Variants in CDH13 observed in about 807,000 individuals in gnomAD.
CDH13 encodes the protein cadherin 13, also known as cadherin-13.
A neutral mutation model predicts 63.8 loss-of-function variants in CDH13; 24 were observed. That is an observed-to-expected ratio of 0.38 (90% CI 0.27 to 0.53). CDH13 has a LOEUF of 0.53. CDH13 is among the 20% of genes least tolerant of loss of function. CDH13 has a pLI of 0.85. For synonymous variants in CDH13, 503 were observed against 355.3 expected (o/e 1.42, Z -4.67); for missense variants, 1,049 against 903.1 (o/e 1.16, Z -2.07).
intron 8 of CDH13, among the ~76,000 whole-genome samples, chr16:83,616,342 ACT>A (rs1157566634): frequency 6.6e-6 from 1 of 152,058 alleles, no homozygotes; most frequent in Admixed American, 6.6e-5. Context: ...TGCATTAATC[ACT>A]CTTTCATAAT....
chr16:82,891,072 G>A (rs1292805533), intron 2 of CDH13, among the ~76,000 whole-genome samples: 2 of 147,802 alleles, frequency 1.4e-5, no homozygotes, highest in East Asian at 2.0e-4. Context: ...GTTGTTGGTC[G>A]TGATGGTGTT....
intron 3 of CDH13, among the ~76,000 whole-genome samples, chr16:83,094,712 A>C (rs1364880226): frequency 6.6e-6 from 1 of 152,234 alleles, no homozygotes; most frequent in African/African-American, 2.4e-5. Context: ...TTTTCATTGA[A>C]GTAGCATTTC....
intron 13 of CDH13, among the ~76,000 whole-genome samples, chr16:83,794,683 C>T (rs563903957): frequency 3.9e-5 from 6 of 152,076 alleles, no homozygotes; most frequent in Non-Finnish European, 8.8e-5. Flanking sequence ...AATCACCAAT[C>T]TCTAAGATAC....
intron 5 of CDH13, among the ~76,000 whole-genome samples, chr16:83,281,460 A>G (rs1324079045): frequency 6.6e-6 from 1 of 152,210 alleles, no homozygotes; most frequent in African/African-American, 2.4e-5. Flanking sequence ...CACATCAGCA[A>G]TAAGGCAGTT....
chr16:83,727,386 A>G (rs762278986), intron 10 of CDH13, among the ~76,000 whole-genome samples: 13 of 152,028 alleles, frequency 8.6e-5, no homozygotes, highest in Non-Finnish European at 1.9e-4. Context: ...TCTCAACTTT[A>G]GAACAGTTTT....
intron 7 of CDH13, among the ~76,000 whole-genome samples, chr16:83,581,855 T>C (rs1259831994): frequency 6.6e-6 from 1 of 151,920 alleles, no homozygotes; most frequent in East Asian, 1.9e-4. Context: ...GAAAACTGAG[T>C]CTCCACCCTA....
intron 1 of CDH13, among the ~76,000 whole-genome samples, chr16:82,845,803 C>A (rs144041660): frequency 0.013 from 1,937 of 152,304 alleles, 10 homozygotes; most frequent in Non-Finnish European, 0.019. Context: ...ACCACCAACC[C>A]TGAGCAGGCA....
rs766645674 is a variant in CDH13, at chr16:83,670,765, C to T, written c.1102-25C>T. 1.9e-6 allele frequency: 3 copies of T among 1,610,804 alleles called. No individual in the cohort carries two copies. In the East Asian group the frequency reaches 6.7e-5, roughly 36 times the overall value. ...TGACTATGTGTTTTCAAAATAGTGA[C>T]CATTACCATCTGCTTTGTTTGCAGT... On this transcript the variant is annotated intron_variant, in intron 8 of 13. Coordinates refer to ENST00000567109, the MANE Select transcript of CDH13 (RefSeq NM_001257.5).
At chr16:83,099,305 G>A (rs2034358526) in intron 3 of CDH13, among the ~76,000 whole-genome samples, 1 of 151,954 alleles carries the variant, frequency 6.6e-6, no homozygotes, top group Non-Finnish European at 1.5e-5. Flanking sequence ...CTATGATGTA[G>A]GTAGTATGAT....
At chr16:83,421,676 C>T (rs1272888712) in intron 6 of CDH13, among the ~76,000 whole-genome samples, 1 of 152,152 alleles carries the variant, frequency 6.6e-6, no homozygotes, top group Non-Finnish European at 1.5e-5. Flanking sequence ...GCCACCCCTA[C>T]TGTTGAGGAG....
chr16:83,220,921 C>T (rs1444323748), intron 5 of CDH13, among the ~76,000 whole-genome samples: 1 of 152,230 alleles, frequency 6.6e-6, no homozygotes, highest in Non-Finnish European at 1.5e-5. Flanking sequence ...TTGAACACTG[C>T]ATGGCAGATA....
intron 6 of CDH13, among the ~76,000 whole-genome samples, chr16:83,483,453 C>G (rs920164483): frequency 1.5e-5 from 2 of 132,606 alleles, no homozygotes; most frequent in African/African-American, 2.8e-5. Flanking sequence ...AAAGACTCAT[C>G]AACCTGAAAG....
rs59677448 is a variant in CDH13 at position 82,896,276 on chromosome 16, A to ATTTTTTTTTTTTTTTTTTTTTT, written c.157+37815_157+37836dup. Among the ~76,000 whole-genome samples, 35 of 87,858 alleles carry ATTTTTTTTTTTTTTTTTTTTTT rather than the reference A, an allele frequency of 4.0e-4. 4 individuals are homozygous for ATTTTTTTTTTTTTTTTTTTTTT. Among genetic ancestry groups the ATTTTTTTTTTTTTTTTTTTTTT allele is most frequent in the East Asian group, 2.8e-3 (4 of 1,432 alleles). 57.6% of individuals were successfully genotyped at this position (87,858 alleles called of 152,430 possible). A position where few individuals can be genotyped will look rare whatever the true frequency, so the allele number is the denominator to read the frequency against. Reference sequence around the variant, plus strand: ...GAGTCTTCTGAGAACTAGGATTAGGATTTTTTTTTTTTTTTTTTTTTTTTT... The same window carrying ATTTTTTTTTTTTTTTTTTTTTT: ...GAGTCTTCTGAGAACTAGGATTAGGATTTTTTTTTTTTTTTTTTTTTTTTTTTTTTTTTTTTTTTTTTTTTTT... On this transcript the variant is annotated intron_variant, in intron 2 of 13. Coordinates refer to ENST00000567109, the MANE Select transcript of CDH13 (RefSeq NM_001257.5).
At chr16:82,637,492 GCGATCTCGGCT>G (rs1908809949) in intron 1 of CDH13, 1 of 146,594 alleles carries the variant, frequency 6.8e-6, no homozygotes, top group African/African-American at 2.5e-5. Flanking sequence ...GGGCAGTGGC[GCGATCTCGGCT>G]CACTGCAAGC....
chr16:82,649,945 C>G (rs150354923), intron 1 of CDH13, among the ~76,000 whole-genome samples: 1 of 152,162 alleles, frequency 6.6e-6, no homozygotes, highest in Admixed American at 6.5e-5. Context: ...AGACAGTGCC[C>G]GGTGTGCTGT....
intron 5 of CDH13, among the ~76,000 whole-genome samples, chr16:83,340,977 A>G (rs980491568): frequency 3.3e-5 from 5 of 152,132 alleles, no homozygotes; most frequent in Admixed American, 1.3e-4. Context: ...GAAGTAGGCA[A>G]TGAGGGCCTG....
At chr16:83,515,671 C>T (rs1489493101) in intron 7 of CDH13, among the ~76,000 whole-genome samples, 1 of 152,126 alleles carries the variant, frequency 6.6e-6, no homozygotes, top group Non-Finnish European at 1.5e-5. Flanking sequence ...GAGATGTTAC[C>T]AAAATATGAG....
chr16:83,568,111 C>T (rs1904302562), intron 7 of CDH13, among the ~76,000 whole-genome samples: 2 of 152,102 alleles, frequency 1.3e-5, no homozygotes, highest in African/African-American at 4.8e-5. Context: ...CTCTTCTCCT[C>T]CCAAGCTCAT....
At chr16:83,723,067 G>A (rs934362884) in intron 10 of CDH13, among the ~76,000 whole-genome samples, 2 of 152,228 alleles carry the variant, frequency 1.3e-5, no homozygotes, top group Non-Finnish European at 2.9e-5. Context: ...AATATGGAAT[G>A]AAGGTGGAAT....
Sources: gnomAD v4.1 joint callset for allele counts (sites outside exome capture counted in the v4.1 genomes callset) on GRCh38, gnomAD v4.1.1 for gene constraint, MANE v1.5 for transcripts, NCBI Gene and HGNC (gene_info 2026-07-23, HGNC 2026-07-21) for gene names.